The following MCRIP2 variants were observed in gnomAD, a reference collection of about 807,000 sequenced individuals.
MCRIP2 encodes the protein MAPK regulated co-repressor interacting protein 2.
Under a neutral mutation model 23.2 loss-of-function variants are expected in MCRIP2, and 21 were observed. That is an observed-to-expected ratio of 0.90 (90% confidence interval 0.64 to 1.30). The LOEUF (loss-of-function observed/expected upper bound fraction) is 1.30. Among genes scored for constraint, MCRIP2 ranks in the 50% most tolerant of loss-of-function variants. MCRIP2 has a pLI of 0.00. For synonymous variants in MCRIP2, 121 were observed against 100.2 expected (o/e 1.21, Z -1.24); for missense variants, 234 against 223.2 (o/e 1.05, Z -0.31).
chr16:648,101 C>G lies in MCRIP2; in HGVS notation c.413-19C>G. The G allele has an allele frequency of 6.3e-7, 1 of 1,586,136 alleles. No homozygotes were observed. The highest frequency in any genetic ancestry group is 8.6e-7 in the Non-Finnish European group (1 of 1,162,796). On this transcript the variant is annotated intron_variant, in intron 4 of 4. Transcript: ENST00000307650. ...TGGCCTGGGAGGCAGCATCACTGCC[C>G]AGCCTTCTCTGCCCACAGACTTTGT...
intron 3 of MCRIP2, 86 bp downstream of exon 3, chr16:647,630 C>T (rs2037521445): frequency 1.3e-6 from 2 of 1,567,264 alleles, no homozygotes; most frequent in African/African-American, 1.4e-5. Flanking sequence ...AGCTGACCCA[C>T]AGCCGCTGCA....
intron 2 of MCRIP2, chr16:647,184 C>T (rs1159174801): frequency 2.7e-5 from 16 of 593,254 alleles, no homozygotes; most frequent in Non-Finnish European, 4.5e-5. Context: ...CAGTCACTCA[C>T]TTCCCTCAGG....
At chr16:642,440 TC>T (rs1842400265) in intron 2 of MCRIP2, 191 bp downstream of exon 2, 2 of 402,200 alleles carry the variant, frequency 5.0e-6, no homozygotes, top group Non-Finnish European at 7.4e-6. Flanking sequence ...GCCTCGCACT[TC>T]CGCCTCACCT....
At chr16:644,946 G>A (rs957816970) in intron 2 of MCRIP2, among the ~76,000 whole-genome samples, 7 of 151,892 alleles carry the variant, frequency 4.6e-5, no homozygotes, top group African/African-American at 1.5e-4. Flanking sequence ...GATAAACCTT[G>A]GTTTGTTTTT....
In MCRIP2 at chr16:647,463, C is replaced by T; in HGVS notation, c.229C>T (p.Pro77Ser). The T allele has an allele frequency of 2.5e-6, 4 of 1,613,426 alleles. No homozygotes were observed. Among genetic ancestry groups the T allele is most frequent in the Non-Finnish European group, 2.5e-6 (3 of 1,179,986 alleles). ...CAATCGTGTGAATGGCCGGCGGGCC[C>T]CCTCCACGTCCCCATCCTTCGAGGG... ...VFNRVNGRRA[P>S]STSPSFEGTQ... is the part of the protein sequence containing the mutation. Residue 77 changes from proline to serine, a missense_variant, in exon 3 of 5, where the codon CCC becomes TCC. Coordinates refer to ENST00000307650, the MANE Select transcript of MCRIP2 (RefSeq NM_138418.4).
intron 2 of MCRIP2, among the ~76,000 whole-genome samples, chr16:644,773 G>A (rs958099967): frequency 4.0e-5 from 6 of 149,996 alleles, no homozygotes; most frequent in Non-Finnish European, 8.9e-5. Flanking sequence ...GGTGCTTTTT[G>A]CTACTCCTCA....
chr16:645,145 G>A (rs1174794852), intron 2 of MCRIP2: 1 of 151,992 alleles, frequency 6.6e-6, no homozygotes, highest in African/African-American at 2.4e-5. Context: ...GTTTATAGTA[G>A]AGACGGGGTT....
Position 642,117 on chromosome 16 carries a change from C to T in MCRIP2, c.53-3C>T. 1.5e-6 allele frequency: 2 copies of T among 1,354,084 alleles called. No individual in the cohort carries two copies. The highest frequency in any genetic ancestry group is 1.7e-5 in the South Asian group (1 of 58,220). 83.9% of individuals were successfully genotyped at this position (1,354,084 alleles called of 1,614,324 possible). ...GCGGCTGACCGCCCCCCGGTGCCCG[C>T]AGGTCCCACGCAGCAGCAGGTGGAG... On this transcript the variant is annotated splice_region_variant and splice_polypyrimidine_tract_variant and intron_variant, in intron 1 of 4. Transcript: ENST00000307650.
chr16:642,124 C>G lies in MCRIP2; in HGVS notation c.57C>G (p.Pro19=), dbSNP rs2037356846. The part of the protein sequence containing the change: ...SKLVAQRRTG[P]TQQQVEGRLG... ...ACCGCCCCCCGGTGCCCGCAGGTCCCACGCAGCAGCAGGTGGAGGGCCGGC... is the reference window on the plus strand; with the variant it reads ...ACCGCCCCCCGGTGCCCGCAGGTCCGACGCAGCAGCAGGTGGAGGGCCGGC... Residue 19 remains proline, a synonymous_variant, in exon 2 of 5, where the codon CCC becomes CCG. Transcript: ENST00000307650. 2 of 1,366,504 alleles carry G rather than the reference C, an allele frequency of 1.5e-6. No homozygotes were observed. Among genetic ancestry groups the G allele is most frequent in the Non-Finnish European group, 1.9e-6 (2 of 1,059,140 alleles). 84.6% of individuals were successfully genotyped at this position (1,366,504 alleles called of 1,614,324 possible). A position where few individuals can be genotyped will look rare whatever the true frequency, so the allele number is the denominator to read the frequency against.
chr16:642,335 A>G, intron 2 of MCRIP2, 86 bp downstream of exon 2: 2 of 1,095,508 alleles, frequency 1.8e-6, no homozygotes, highest in Non-Finnish European at 1.1e-6. Context: ...CCTTGGGGAA[A>G]TGTTAGTGAG....
At position 642,269 on chromosome 16, in the gene MCRIP2, G is replaced by C. The variant is rs2037364283; in HGVS notation, c.182+20G>C. ...GTCGAGGTGAGACGCGCGCGGCCCC[G>C]GCCCGGCCCGGCCCGGCTTCCCCTC... is the stretch of plus-strand genomic sequence containing the variant. On this transcript the variant is annotated intron_variant, in intron 2 of 4. Transcript: ENST00000307650. 1.7e-6 allele frequency: 2 copies of C among 1,154,894 alleles called. No individual in the cohort carries two copies. Among genetic ancestry groups the C allele is most frequent in the Non-Finnish European group, 2.1e-6 (2 of 939,226 alleles). The allele number at this position is 1,154,894 out of a possible 1,614,324, so 71.5% of individuals were successfully genotyped here.
At position 647,873 on chromosome 16, in the gene MCRIP2, C is replaced by T. The variant is rs2037533436; in HGVS notation, c.401C>T (p.Pro134Leu). The T allele has an allele frequency of 6.4e-7, 1 of 1,550,396 alleles. No individual in the cohort carries two copies. Among genetic ancestry groups the T allele is most frequent in the Middle Eastern group, 1.7e-4 (1 of 5,832 alleles). ...CAGTACGTGGAGAGGACCCCCAATC[C>T]CCGGCTGCAGAGTGAGCCCCCCAAC... ...PVQYVERTPN[P>L]RLQNFVPIDL... The change falls in exon 4 of 5, where the codon CCC becomes CTC. Residue 134 changes from proline to leucine, a missense_variant. Physicochemically the swap from Pro to Leu is moderately conservative, Grantham distance 98. Transcript: ENST00000307650.
At chr16:648,045 T>C in intron 4 of MCRIP2, 75 bp from the exon 5 acceptor site, 1 of 1,444,000 alleles carries the variant, frequency 6.9e-7, no homozygotes. Flanking sequence ...GGTGAGCGGC[T>C]TGTGGTTAGC....
At chr16:642,459 C>G (rs2037372890) in intron 2 of MCRIP2, 1 of 321,056 alleles carries the variant, frequency 3.1e-6, no homozygotes, top group Non-Finnish European at 5.0e-6. Context: ...CCTGGCCGGG[C>G]CCGGGCCCCC....
intron 2 of MCRIP2, among the ~76,000 whole-genome samples, chr16:644,188 C>T (rs1046174621): frequency 5.9e-5 from 9 of 152,108 alleles, no homozygotes. Flanking sequence ...TTCAAGCGAT[C>T]CTCCTGCCTC....
Position 647,462 on chromosome 16 carries a change from C to G in MCRIP2, c.228C>G (p.Ala76=). ...TCAATCGTGTGAATGGCCGGCGGGC[C>G]CCCTCCACGTCCCCATCCTTCGAGG... The part of the protein sequence containing the change: ...LVFNRVNGRR[A]PSTSPSFEGT... The change falls in exon 3 of 5, where the codon GCC becomes GCG. Residue 76 remains alanine (A), a synonymous_variant. Transcript: ENST00000307650. 6.2e-7 allele frequency: 1 copy of G among 1,613,402 alleles called. No individual in the cohort carries two copies. The highest frequency in any genetic ancestry group is 8.5e-7 in the Non-Finnish European group (1 of 1,179,982).
Position 642,258 on chromosome 16 carries a change from C to T in MCRIP2, c.182+9C>T. 9 of 1,176,426 alleles carry T rather than the reference C, an allele frequency of 7.7e-6. No homozygotes were observed. The highest frequency in any genetic ancestry group is 9.4e-6 in the Non-Finnish European group (9 of 953,600). The allele number at this position is 1,176,426 out of a possible 1,614,324, so 72.9% of individuals were successfully genotyped here. On this transcript the variant is annotated intron_variant, in intron 2 of 4. Transcript: ENST00000307650. ...CCCTGGCCCCTGTCGAGGTGAGACG[C>T]GCGCGGCCCCGGCCCGGCCCGGCCC...
At position 647,899 on chromosome 16, in the gene MCRIP2, C is replaced by A; in HGVS notation, c.412+15C>A. ...CCGGCTGCAGAGTGAGCCCCCCAACCCTGTCCCCCCAGGAGAGACCCCCCA... is the reference window on the plus strand; with the variant it reads ...CCGGCTGCAGAGTGAGCCCCCCAACACTGTCCCCCCAGGAGAGACCCCCCA... On this transcript the variant is annotated intron_variant, in intron 4 of 4. Coordinates refer to ENST00000307650, the MANE Select transcript of MCRIP2 (RefSeq NM_138418.4). The A allele has an allele frequency of 2.0e-6, 3 of 1,480,688 alleles. No homozygotes were observed. Among genetic ancestry groups the A allele is most frequent in the Non-Finnish European group, 2.8e-6 (3 of 1,090,360 alleles). 91.7% of individuals were successfully genotyped at this position (1,480,688 alleles called of 1,614,324 possible).
At position 642,224 on chromosome 16, in the gene MCRIP2, C is replaced by T. The variant is rs1051777555; in HGVS notation, c.157C>T (p.Pro53Ser). The T allele has an allele frequency of 1.6e-6, 2 of 1,244,622 alleles. No individual in the cohort carries two copies. The highest frequency in any genetic ancestry group is 1.0e-6 in the Non-Finnish European group (1 of 995,090). 77.1% of individuals were successfully genotyped at this position (1,244,622 alleles called of 1,614,324 possible). Reference sequence around the variant, plus strand: ...CCCGCGGGCGCAGCCCTTTGCGCAGCCGCCGGGACCCTGGCCCCTGTCGAG... The same window carrying T: ...CCCGCGGGCGCAGCCCTTTGCGCAGTCGCCGGGACCCTGGCCCCTGTCGAG... The part of the protein sequence containing the change: ...QPPRAQPFAQ[P>S]PGPWPLSSPG... The change falls in exon 2 of 5, where the codon CCG (proline) becomes TCG (serine). Residue 53 changes from proline (P) to serine (S), a missense_variant. Coordinates refer to ENST00000307650, the MANE Select transcript of MCRIP2 (RefSeq NM_138418.4).
Sources: allele counts gnomAD v4.1 joint callset (sites outside exome capture counted in the v4.1 genomes callset), GRCh38; gene constraint gnomAD v4.1.1; transcripts MANE v1.5; gene names NCBI Gene and HGNC (gene_info 2026-07-23, HGNC 2026-07-21).